The following SCHIP1 variants were observed in gnomAD, a reference collection of about 807,000 sequenced individuals.
The protein encoded by SCHIP1 is schwannomin-interacting protein 1.
SCHIP1 carries 8 observed loss-of-function variants against 29.7 expected under a neutral mutation model. The observed-to-expected ratio is 0.27, with a 90% CI of 0.16 to 0.49. The LOEUF (loss-of-function observed/expected upper bound fraction) is 0.49. Ranked by LOEUF, SCHIP1 falls within the 20% of genes least tolerant of loss-of-function variation. The pLI is 0.99. For synonymous variants in SCHIP1, 76 were observed against 94.9 expected (o/e 0.80, Z 1.16); for missense variants, 193 against 294.6 (o/e 0.66, Z 2.52).
chr3:159,419,867 G>A, the SCHIP1 span, among the ~76,000 whole-genome samples: 12 of 152,162 alleles, frequency 7.9e-5, no homozygotes, highest in Non-Finnish European at 1.3e-4. Context: ...CAGTCATAAC[G>A]TAATTGTCAT....
the SCHIP1 span, among the ~76,000 whole-genome samples, chr3:159,558,685 T>C: frequency 2.0e-5 from 3 of 152,226 alleles, no homozygotes; most frequent in African/African-American, 7.2e-5. Flanking sequence ...CAGAGTCTCA[T>C]CGGTAGCCCC....
At chr3:159,639,544 G>A in the SCHIP1 span, among the ~76,000 whole-genome samples, 3 of 151,946 alleles carry the variant, frequency 2.0e-5, no homozygotes, top group African/African-American at 7.3e-5. Context: ...GCTAAATAAC[G>A]GCAAATATTT....
chr3:159,721,509 T>C, the SCHIP1 span: 2 of 157,190 alleles, frequency 1.3e-5, no homozygotes, highest in African/African-American at 4.8e-5. Flanking sequence ...TTACATTCCA[T>C]TCTACACATC....
the SCHIP1 span, among the ~76,000 whole-genome samples, chr3:159,510,456 C>T: frequency 2.6e-5 from 4 of 152,234 alleles, no homozygotes; most frequent in Admixed American, 2.6e-4. Flanking sequence ...CTGAAGCCTT[C>T]TTCTCTCAAC....
At chr3:159,844,718 A>G (rs1711554066) in intron 1 of SCHIP1, among the ~76,000 whole-genome samples, 1 of 152,218 alleles carries the variant, frequency 6.6e-6, no homozygotes, top group Non-Finnish European at 1.5e-5. Context: ...ATTTTGCTTA[A>G]AAGCTCTTAA....
the SCHIP1 span, among the ~76,000 whole-genome samples, chr3:159,524,145 G>A: frequency 1.3e-5 from 2 of 152,286 alleles, no homozygotes; most frequent in African/African-American, 2.4e-5. Flanking sequence ...TTGAAATCCG[G>A]TTCACTATGC....
the SCHIP1 span, among the ~76,000 whole-genome samples, chr3:159,685,484 C>A: frequency 1.3e-5 from 2 of 152,148 alleles, no homozygotes; most frequent in African/African-American, 4.8e-5. Flanking sequence ...AAAGAATAAA[C>A]AACAATTATT....
chr3:159,892,393 C>T, intron 6 of SCHIP1: 1 of 623,454 alleles, frequency 1.6e-6, no homozygotes, highest in Non-Finnish European at 2.8e-6. Flanking sequence ...GCAACCATCC[C>T]CCCCTTGTGA....
the SCHIP1 span, among the ~76,000 whole-genome samples, chr3:159,397,213 T>A: frequency 2.3e-4 from 34 of 146,530 alleles, no homozygotes; most frequent in South Asian, 4.4e-4. Context: ...ATTCTAGTTA[T>A]ACATTCTTCT....
At chr3:159,526,755 G>A in the SCHIP1 span, among the ~76,000 whole-genome samples, 1 of 152,164 alleles carries the variant, frequency 6.6e-6, no homozygotes, top group Admixed American at 6.5e-5. Context: ...CATATCTGAA[G>A]GTGAAGCTTG....
chr3:159,825,771 G>A, the SCHIP1 span, among the ~76,000 whole-genome samples: 3 of 151,514 alleles, frequency 2.0e-5, no homozygotes, highest in African/African-American at 7.3e-5. Context: ...ACAAATTAGA[G>A]GGAAAAAAAA....
At chr3:159,633,597 G>A in the SCHIP1 span, among the ~76,000 whole-genome samples, 1,078 of 152,286 alleles carry the variant, frequency 7.1e-3, 14 homozygotes, top group African/African-American at 0.024. Context: ...GAAAAGAATG[G>A]AGTAGTTCCC....
exon 1 of SCHIP1, chr3:159,839,998 G>T (rs1744067972): frequency 7.0e-7 from 1 of 1,433,052 alleles, no homozygotes; most frequent in East Asian, 2.6e-5. Context: ...CTCGCTAGCT[G>T]CGCGCTTCCC....
the SCHIP1 span, among the ~76,000 whole-genome samples, chr3:159,355,187 C>T: frequency 1.3e-5 from 2 of 152,066 alleles, no homozygotes; most frequent in South Asian, 2.1e-4. Context: ...TTTTTACATA[C>T]ACAGGCACAC....
rs1713478374 is a variant in SCHIP1 at position 159,857,135 on chromosome 3, T to G, written c.31-9028T>G. 3.3e-5 allele frequency among the ~76,000 whole-genome samples: 5 copies of G among 152,242 alleles called. 1 individual carries two copies. In the South Asian group the frequency reaches 1.0e-3, roughly 32 times the overall value. On this transcript the variant is annotated intron_variant, in intron 1 of 6. Coordinates refer to ENST00000445224, the Ensembl canonical transcript of SCHIP1. The stretch of plus-strand genomic sequence containing the variant: ...CCTGGTCGGTCTTAGATGTTATAAA[T>G]ATAAAGCTTCCTGGCTCGTGGTTCA...
At chr3:159,424,878 G>T in the SCHIP1 span, among the ~76,000 whole-genome samples, 5 of 149,684 alleles carry the variant, frequency 3.3e-5, no homozygotes, top group East Asian at 3.9e-4. Context: ...GAGAGTGGGG[G>T]CCAATATTCA....
At chr3:159,469,549 T>A in the SCHIP1 span, among the ~76,000 whole-genome samples, 1 of 152,230 alleles carries the variant, frequency 6.6e-6, no homozygotes, top group East Asian at 1.9e-4. Flanking sequence ...TATTCATTTA[T>A]TTCCTTTCTT....
chr3:159,465,547 G>A, the SCHIP1 span, among the ~76,000 whole-genome samples: 1 of 152,064 alleles, frequency 6.6e-6, no homozygotes, highest in Non-Finnish European at 1.5e-5. Flanking sequence ...CTTGACTTCT[G>A]CTCAGGTAAA....
At chr3:159,457,832 T>G in the SCHIP1 span, among the ~76,000 whole-genome samples, 1 of 152,146 alleles carries the variant, frequency 6.6e-6, no homozygotes, top group Non-Finnish European at 1.5e-5. Context: ...AGAATAATTA[T>G]AACAATATAT....
Sources: gnomAD v4.1 joint callset for allele counts (sites outside exome capture counted in the v4.1 genomes callset) on GRCh38, gnomAD v4.1.1 for gene constraint, MANE v1.5 for transcripts, NCBI Gene and HGNC (gene_info 2026-07-23, HGNC 2026-07-21) for gene names.